Variants in IL1RAPL1 observed in about 807,000 individuals in gnomAD.
The protein encoded by IL1RAPL1 is interleukin-1 receptor accessory protein-like 1.
IL1RAPL1 carries 3 observed loss-of-function variants against 48.4 expected under a neutral mutation model. The ratio of observed to expected loss-of-function variants is 0.06; its 90% CI spans 0.03 to 0.16. The LOEUF (loss-of-function observed/expected upper bound fraction) is 0.16, where lower values mean the gene tolerates loss of function less well. Among genes scored for constraint, IL1RAPL1 ranks in the 10% least tolerant of loss-of-function variants. IL1RAPL1 has a pLI of 1.00. For synonymous variants in IL1RAPL1, 185 were observed against 187.7 expected (o/e 0.99, Z 0.12); for missense variants, 349 against 530.6 (o/e 0.66, Z 3.36).
At chrX:29,886,529 A>G (rs1168328728) in intron 6 of IL1RAPL1, among the ~76,000 whole-genome samples, 1 of 112,302 alleles carries the variant, frequency 8.9e-6, no homozygotes, top group Non-Finnish European at 1.9e-5. Flanking sequence ...AAAAGCTATT[A>G]TTGATACTCA....
chrX:28,862,165 C>G (rs1044752046), intron 2 of IL1RAPL1, among the ~76,000 whole-genome samples: 1 of 112,098 alleles, frequency 8.9e-6, no homozygotes, highest in South Asian at 3.7e-4. Context: ...GTTTTACCGT[C>G]AACAGATATT....
In IL1RAPL1 at chrX:28,918,785, C is replaced by T. The variant is rs749706695; in HGVS notation, c.82+129360C>T. Among the ~76,000 whole-genome samples, 4 of 111,555 alleles carry T rather than the reference C, an allele frequency of 3.6e-5. No individual in the cohort carries two copies. In the East Asian group the frequency reaches 1.1e-3, roughly 32 times the overall value. The stretch of plus-strand genomic sequence containing the variant: ...CTGATTGAAAGCTCTGAGCTGGGAA[C>T]ACAGCAGAGGGAAGCCTACTTTGGA... On this transcript the variant is annotated intron_variant, in intron 2 of 10. Coordinates refer to ENST00000378993, the MANE Select transcript of IL1RAPL1 (RefSeq NM_014271.4).
chrX:29,918,362 G>A (rs1273544629), intron 7 of IL1RAPL1, among the ~76,000 whole-genome samples: 2 of 96,909 alleles, frequency 2.1e-5, no homozygotes, highest in African/African-American at 7.6e-5. Context: ...AAAATTAGCC[G>A]GGCATGGTGG....
At chrX:28,882,693 A>G (rs898952587) in intron 2 of IL1RAPL1, among the ~76,000 whole-genome samples, 3 of 112,015 alleles carry the variant, frequency 2.7e-5, no homozygotes, top group Non-Finnish European at 5.6e-5. Flanking sequence ...TCCCAGGTAA[A>G]TAAAAGCTGC....
intron 1 of IL1RAPL1, among the ~76,000 whole-genome samples, chrX:28,753,628 T>C (rs1358661161): frequency 8.9e-6 from 1 of 112,418 alleles, no homozygotes; most frequent in Non-Finnish European, 1.9e-5. Flanking sequence ...ATACCAATGA[T>C]CTTTGCTTTC....
At chrX:29,019,620 G>T (rs1256297395) in intron 2 of IL1RAPL1, among the ~76,000 whole-genome samples, 1 of 111,320 alleles carries the variant, frequency 9.0e-6, no homozygotes, top group Non-Finnish European at 1.9e-5. Context: ...AGTTGGTGTT[G>T]ATTTATTTTT....
At chrX:29,466,516 GACAA>G (rs765116310) in intron 5 of IL1RAPL1, among the ~76,000 whole-genome samples, 71 of 111,771 alleles carry the variant, frequency 6.4e-4, no homozygotes, top group Middle Eastern at 9.3e-3. Flanking sequence ...CTTAAAAAAA[GACAA>G]ACAAACAAAA....
intron 1 of IL1RAPL1, among the ~76,000 whole-genome samples, chrX:28,598,378 A>G (rs1391298823): frequency 1.8e-5 from 2 of 112,116 alleles, no homozygotes; most frequent in Non-Finnish European, 3.8e-5. Context: ...ACCAGTAGGT[A>G]TAGTTTTTTT....
At chrX:29,702,149 G>A (rs762801274) in intron 6 of IL1RAPL1, among the ~76,000 whole-genome samples, 2 of 110,267 alleles carry the variant, frequency 1.8e-5, no homozygotes, top group African/African-American at 6.6e-5. Context: ...CAGCTACTCT[G>A]GAGGCTGAGG....
At chrX:29,538,843 A>T (rs1921332573) in intron 5 of IL1RAPL1, among the ~76,000 whole-genome samples, 1 of 111,453 alleles carries the variant, frequency 9.0e-6, no homozygotes, top group Admixed American at 9.5e-5. Flanking sequence ...TTTTGGCAAG[A>T]TATAGGTCAC....
At chrX:29,057,512 C>T (rs1386635545) in intron 2 of IL1RAPL1, among the ~76,000 whole-genome samples, 3 of 109,953 alleles carry the variant, frequency 2.7e-5, no homozygotes, top group Non-Finnish European at 3.8e-5. Flanking sequence ...ACTGCAACCT[C>T]GGCCTCCTGG....
At chrX:29,154,471 C>T (rs992847189) in intron 2 of IL1RAPL1, among the ~76,000 whole-genome samples, 3 of 109,154 alleles carry the variant, frequency 2.7e-5, no homozygotes, top group Admixed American at 9.9e-5. Context: ...ACCCAGGAGG[C>T]GGAGGTTGCA....
intron 2 of IL1RAPL1, among the ~76,000 whole-genome samples, chrX:29,007,195 ATT>A (rs1368507116): frequency 8.9e-6 from 1 of 111,950 alleles, no homozygotes; most frequent in East Asian, 2.8e-4. Flanking sequence ...GGAAATTTGA[ATT>A]TTGCTATAGT....
chrX:29,726,020 A>T (rs143335614), intron 6 of IL1RAPL1, among the ~76,000 whole-genome samples: 2,845 of 112,161 alleles, frequency 0.025, 88 homozygotes, highest in African/African-American at 0.088. Flanking sequence ...CAAGCACGCA[A>T]CAAGCAAGGA....
intron 5 of IL1RAPL1, among the ~76,000 whole-genome samples, chrX:29,596,244 A>G (rs1205537198): frequency 9.0e-6 from 1 of 111,031 alleles, no homozygotes; most frequent in Admixed American, 9.6e-5. Flanking sequence ...GAATTTTAGG[A>G]CGGCTTTTCT....
At chrX:29,370,416 C>A (rs910388665) in intron 3 of IL1RAPL1, among the ~76,000 whole-genome samples, 3 of 110,300 alleles carry the variant, frequency 2.7e-5, no homozygotes, top group African/African-American at 6.6e-5. Flanking sequence ...ACAAGCCTTG[C>A]GTCTCCTGAT....
intron 6 of IL1RAPL1, among the ~76,000 whole-genome samples, chrX:29,906,380 A>G (rs1161367393): frequency 1.0e-5 from 1 of 95,893 alleles, no homozygotes; most frequent in Non-Finnish European, 2.1e-5. Flanking sequence ...AAAAGCAGGA[A>G]TCCAATAATC....
Position 29,343,899 on chromosome X carries a change from A to G in IL1RAPL1, c.363-52359A>G, listed in dbSNP as rs150602783. Among the ~76,000 whole-genome samples the G allele has an allele frequency of 4.3e-3, 482 of 111,709 alleles. 3 individuals carry two copies. The highest frequency in any genetic ancestry group is 0.015 in the African/African-American group (462 of 30,747). ...CTCACTTTCTCACACACATACACACACACCACACACAAATGTAGGTAGGAG... is the reference window on the plus strand; with the variant it reads ...CTCACTTTCTCACACACATACACACGCACCACACACAAATGTAGGTAGGAG... On this transcript the variant is annotated intron_variant, in intron 3 of 10. Coordinates refer to ENST00000378993, the MANE Select transcript of IL1RAPL1 (RefSeq NM_014271.4).
intron 1 of IL1RAPL1, among the ~76,000 whole-genome samples, chrX:28,762,090 CT>C (rs1186746235): frequency 8.9e-6 from 1 of 111,793 alleles, no homozygotes; most frequent in Non-Finnish European, 1.9e-5. Context: ...TGATTAGTAT[CT>C]GTCATCATAA....
Sources: gnomAD v4.1 joint callset for allele counts (sites outside exome capture counted in the v4.1 genomes callset) on GRCh38, gnomAD v4.1.1 for gene constraint, MANE v1.5 for transcripts, NCBI Gene and HGNC (gene_info 2026-07-23, HGNC 2026-07-21) for gene names.